GMDS: variants seen among roughly 807,000 people sequenced by gnomAD.
The protein encoded by GMDS is GDP-mannose 4,6-dehydratase, also known as GDP-mannose 4,6 dehydratase.
In GMDS, 20 loss-of-function variants were observed where a neutral mutation model predicts 49.9. The observed-to-expected ratio is 0.40, with a 90% CI of 0.28 to 0.58. GMDS has a LOEUF of 0.58. Among genes scored for constraint, GMDS ranks in the 20% least tolerant of loss-of-function variants. The probability of loss-of-function intolerance (pLI) is 0.42; values close to 1 mark genes in which losing one functional copy is unlikely to be tolerated. For missense variants in GMDS, 362 were observed against 481.4 expected (o/e 0.75, Z 2.32); for synonymous variants, 177 against 178.6 (o/e 0.99, Z 0.07).
chr6:2,194,959 T>A (rs1243608122), intron 1 of GMDS, among the ~76,000 whole-genome samples: 3 of 152,194 alleles, frequency 2.0e-5, no homozygotes, highest in Admixed American at 2.0e-4. Context: ...CAATTACCCC[T>A]TAAACAGCCT....
intron 8 of GMDS, among the ~76,000 whole-genome samples, chr6:1,731,056 A>G (rs964920288): frequency 3.3e-5 from 5 of 152,188 alleles, no homozygotes; most frequent in Admixed American, 3.3e-4. Flanking sequence ...TCAAACAAAC[A>G]AGAACAGGAT....
chr6:2,202,861 T>A (rs1383007393), intron 1 of GMDS, among the ~76,000 whole-genome samples: 1 of 152,086 alleles, frequency 6.6e-6, no homozygotes. Context: ...AGGTTCCAGA[T>A]TGTGAGCTTG....
intron 1 of GMDS, among the ~76,000 whole-genome samples, chr6:2,221,738 A>G (rs1408264546): frequency 6.6e-6 from 1 of 152,208 alleles, no homozygotes; most frequent in Non-Finnish European, 1.5e-5. Flanking sequence ...CAACATGAGT[A>G]AATGAATTAA....
At chr6:2,162,697 C>T (rs1562110699) in intron 1 of GMDS, among the ~76,000 whole-genome samples, 1 of 144,136 alleles carries the variant, frequency 6.9e-6, no homozygotes, top group East Asian at 2.2e-4. Context: ...CACACACACA[C>T]ACACACACAC....
At chr6:2,124,473 G>A (rs1775309478) in intron 2 of GMDS, among the ~76,000 whole-genome samples, 1 of 152,224 alleles carries the variant, frequency 6.6e-6, no homozygotes, top group Admixed American at 6.5e-5. Context: ...TGAACACTGT[G>A]AGTGCAGGGG....
intron 7 of GMDS, among the ~76,000 whole-genome samples, chr6:1,855,629 C>T (rs1183321833): frequency 6.6e-6 from 1 of 152,058 alleles, no homozygotes; most frequent in Non-Finnish European, 1.5e-5. Context: ...ACTCAAAGAT[C>T]CACTGAGAGA....
intron 1 of GMDS, among the ~76,000 whole-genome samples, chr6:2,239,583 A>T (rs1322392037): frequency 6.6e-6 from 1 of 152,056 alleles, no homozygotes; most frequent in Non-Finnish European, 1.5e-5. Flanking sequence ...TCAAAACCCA[A>T]CCTCTGATTC....
rs564422653 is a variant in GMDS, at chr6:2,168,725, G to A, written c.103-43994C>T. ...CTTTTAAAAGAAACTCTTAAAATGG[G>A]GCAAAGTAGATGCCAAATAAGGACT... On this transcript the variant is annotated intron_variant, in intron 1 of 10. Coordinates refer to ENST00000380815, the MANE Select transcript of GMDS (RefSeq NM_001500.4). Among the ~76,000 whole-genome samples the A allele has an allele frequency of 2.0e-4, 30 of 152,138 alleles. No homozygotes were observed. The South Asian group carries it at 5.6e-3, about 28-fold the overall frequency.
intron 1 of GMDS, among the ~76,000 whole-genome samples, chr6:2,166,155 A>G (rs561524284): frequency 6.6e-6 from 1 of 152,236 alleles, no homozygotes; most frequent in Non-Finnish European, 1.5e-5. Flanking sequence ...GCAGAACACT[A>G]GCCAGAACTG....
chr6:1,906,443 T>C (rs1231527729), intron 7 of GMDS, among the ~76,000 whole-genome samples: 2 of 152,214 alleles, frequency 1.3e-5, no homozygotes, highest in Non-Finnish European at 2.9e-5. Flanking sequence ...CTGGGTCAAA[T>C]TAGATATTTG....
At chr6:1,830,401 C>CATTG (rs1468021825) in intron 7 of GMDS, among the ~76,000 whole-genome samples, 6 of 152,246 alleles carry the variant, frequency 3.9e-5, no homozygotes, top group African/African-American at 1.4e-4. Context: ...TGTCTCCACA[C>CATTG]ATTGCCCTGG....
intron 6 of GMDS, among the ~76,000 whole-genome samples, chr6:1,935,813 C>T (rs1457310712): frequency 6.6e-6 from 1 of 152,100 alleles, no homozygotes; most frequent in Non-Finnish European, 1.5e-5. Flanking sequence ...CTTCTGTTCA[C>T]GCAATGCAGT....
chr6:1,784,500 G>C (rs1021574557), intron 7 of GMDS, among the ~76,000 whole-genome samples: 16 of 151,968 alleles, frequency 1.1e-4, no homozygotes, highest in Non-Finnish European at 4.4e-5. Context: ...GCGGGAAGGA[G>C]AGCAGAGGCC....
intron 4 of GMDS, among the ~76,000 whole-genome samples, chr6:2,105,645 A>G (rs1388026449): frequency 6.6e-6 from 1 of 152,204 alleles, no homozygotes; most frequent in Non-Finnish European, 1.5e-5. Flanking sequence ...GAATGTCCTA[A>G]AAGGTTTATT....
intron 6 of GMDS, among the ~76,000 whole-genome samples, chr6:1,940,964 G>A (rs1762795402): frequency 6.6e-6 from 1 of 152,128 alleles, no homozygotes; most frequent in Non-Finnish European, 1.5e-5. Flanking sequence ...CCTCAATTAT[G>A]TTCACAGGTG....
intron 7 of GMDS, among the ~76,000 whole-genome samples, chr6:1,749,049 G>C (rs1767623528): frequency 6.6e-6 from 1 of 152,140 alleles, no homozygotes; most frequent in Non-Finnish European, 1.5e-5. Context: ...AGTACACTGA[G>C]GACAGCCTGC....
chr6:2,205,493 C>T (rs147045153), intron 1 of GMDS, among the ~76,000 whole-genome samples: 10 of 152,344 alleles, frequency 6.6e-5, no homozygotes, highest in Admixed American at 3.3e-4. Context: ...GGAGTAGCTT[C>T]TATAAAGCTG....
chr6:1,990,255 C>T (rs1007252544), intron 4 of GMDS, among the ~76,000 whole-genome samples: 2 of 152,124 alleles, frequency 1.3e-5, no homozygotes, highest in African/African-American at 4.8e-5. Flanking sequence ...GAGATGGCAC[C>T]ACTGCACTCC....
chr6:2,007,520 C>T (rs925873239), intron 4 of GMDS, among the ~76,000 whole-genome samples: 6 of 151,854 alleles, frequency 4.0e-5, no homozygotes, highest in African/African-American at 1.5e-4. Context: ...GAAATTTAGC[C>T]TTTAATTAGT....
Sources: gnomAD v4.1 joint callset for allele counts (sites outside exome capture counted in the v4.1 genomes callset) on GRCh38, gnomAD v4.1.1 for gene constraint, MANE v1.5 for transcripts, NCBI Gene and HGNC (gene_info 2026-07-23, HGNC 2026-07-21) for gene names.